LRP1B: variants seen among roughly 807,000 people sequenced by gnomAD.
The protein encoded by LRP1B is LDL receptor related protein 1B.
LRP1B carries 217 observed loss-of-function variants against 556.6 expected under a neutral mutation model. The observed-to-expected ratio is 0.39, with a 90% CI of 0.35 to 0.44. The LOEUF is 0.44. Ranked by LOEUF, LRP1B falls within the 20% of genes least tolerant of loss-of-function variation. The pLI, the probability that LRP1B is intolerant of heterozygous loss-of-function variation, is 1.00. For synonymous variants in LRP1B, 2,047 were observed against 1,865.8 expected (o/e 1.10, Z -2.50); for missense variants, 5,053 against 5,620.8 (o/e 0.90, Z 3.23).
chr2:141,509,320 T>C (rs1481806685), intron 2 of LRP1B, among the ~76,000 whole-genome samples: 2 of 152,174 alleles, frequency 1.3e-5, no homozygotes, highest in South Asian at 2.1e-4. Context: ...GCTAGAGAAC[T>C]GTCAAGGATG....
At chr2:141,230,122 T>G (rs139636639) in intron 5 of LRP1B, among the ~76,000 whole-genome samples, 1 of 152,332 alleles carries the variant, frequency 6.6e-6, no homozygotes, top group Non-Finnish European at 1.5e-5. Flanking sequence ...ATATACAAAT[T>G]TCCCAGAGTT....
At chr2:142,081,693 G>A (rs1705723248) in intron 1 of LRP1B, among the ~76,000 whole-genome samples, 2 of 152,118 alleles carry the variant, frequency 1.3e-5, no homozygotes, top group South Asian at 4.1e-4. Context: ...TGTCCAGGCT[G>A]GTCTCAAATT....
intron 43 of LRP1B, among the ~76,000 whole-genome samples, chr2:140,581,774 C>T (rs1359026168): frequency 6.6e-6 from 1 of 152,082 alleles, no homozygotes; most frequent in African/African-American, 2.4e-5. Flanking sequence ...TTCTCTCCCC[C>T]TCTTCTCTCT....
At chr2:140,965,844 G>A (rs1161672442) in intron 18 of LRP1B, among the ~76,000 whole-genome samples, 1 of 148,086 alleles carries the variant, frequency 6.8e-6, no homozygotes. Flanking sequence ...TGAGAATGAT[G>A]GTTTCTAGCT....
At position 141,013,682 on chromosome 2, in the gene LRP1B, A is replaced by G; in HGVS notation, c.2254T>C (p.Phe752Leu). 1.9e-6 allele frequency: 3 copies of G among 1,607,194 alleles called. No homozygotes were observed. Among genetic ancestry groups the G allele is most frequent in the Non-Finnish European group, 2.5e-6 (3 of 1,176,924 alleles). The change falls in exon 14 of 91, where the codon TTC becomes CTC. Residue 752 changes from phenylalanine to leucine, a missense_variant. Physicochemically the swap from Phe to Leu is conservative, Grantham distance 22. Transcript: ENST00000389484. ...GAACCATTCATATAATCAGTCCAGA[A>G]CACATAATTTCCATGATGCGACAGT... ...FGLSHHGNYV[F>L]WTDYMNGSIF... is the part of the protein sequence containing the mutation.
At chr2:140,609,045 G>A (rs1446731047) in intron 41 of LRP1B, among the ~76,000 whole-genome samples, 1 of 152,154 alleles carries the variant, frequency 6.6e-6, no homozygotes, top group African/African-American at 2.4e-5. Flanking sequence ...ATATCATTGT[G>A]TCAGTCCTTC....
At chr2:142,100,004 T>TTATA (rs1706514288) in intron 1 of LRP1B, among the ~76,000 whole-genome samples, 1 of 151,950 alleles carries the variant, frequency 6.6e-6, no homozygotes, top group South Asian at 2.1e-4. Flanking sequence ...ATTTTCATCT[T>TTATA]TATATCAAAG....
chr2:140,585,644 A>G (rs1681954435), intron 43 of LRP1B, among the ~76,000 whole-genome samples: 1 of 152,178 alleles, frequency 6.6e-6, no homozygotes, highest in African/African-American at 2.4e-5. Flanking sequence ...CCAGTCCAAC[A>G]CTGAAACAAT....
intron 3 of LRP1B, among the ~76,000 whole-genome samples, chr2:141,372,813 G>T (rs76750403): frequency 0.056 from 8,469 of 151,842 alleles, 351 homozygotes; most frequent in Admixed American, 0.14. Flanking sequence ...TCTTTTCAAA[G>T]AACCAACTTC....
At position 140,525,831 on chromosome 2, in the gene LRP1B, A is replaced by C. The variant is rs1272350937; in HGVS notation, c.8026+13T>G. On this transcript the variant is annotated intron_variant, in intron 49 of 90. Coordinates refer to ENST00000389484, the MANE Select transcript of LRP1B (RefSeq NM_018557.3). ...CAAGGCAAAGCCTGTGTTTTTCTAA[A>C]TTCTAGTATTACCTGGGCACTTTAA... 1.2e-6 allele frequency: 2 copies of C among 1,607,056 alleles called. No homozygotes were observed. Among genetic ancestry groups the C allele is most frequent in the Non-Finnish European group, 8.5e-7 (1 of 1,176,990 alleles).
intron 3 of LRP1B, among the ~76,000 whole-genome samples, chr2:141,423,507 C>A (rs1012043443): frequency 8.6e-5 from 13 of 151,936 alleles, no homozygotes; most frequent in Admixed American, 5.2e-4. Context: ...CTACCCACCC[C>A]ACAAAATATT....
intron 1 of LRP1B, among the ~76,000 whole-genome samples, chr2:142,056,525 G>A (rs547937947): frequency 1.3e-5 from 2 of 152,164 alleles, no homozygotes; most frequent in South Asian, 4.1e-4. Flanking sequence ...AGCCTCTGAG[G>A]CTGGCTGGAT....
chr2:140,999,033 T>C (rs1456513507), intron 15 of LRP1B, among the ~76,000 whole-genome samples: 1 of 152,100 alleles, frequency 6.6e-6, no homozygotes, highest in East Asian at 1.9e-4. Flanking sequence ...ATGAATTCCA[T>C]TTGTAGTTGT....
intron 7 of LRP1B, among the ~76,000 whole-genome samples, chr2:141,112,411 T>TA (rs1700778389): frequency 6.6e-6 from 1 of 152,164 alleles, no homozygotes. Flanking sequence ...TTTTGCTATT[T>TA]AAAATGGCCC....
At chr2:141,251,739 G>T (rs914881831) in intron 4 of LRP1B, among the ~76,000 whole-genome samples, 7 of 152,068 alleles carry the variant, frequency 4.6e-5, no homozygotes, top group Non-Finnish European at 1.0e-4. Flanking sequence ...TAAATAGTGA[G>T]AAGAGAAAGA....
chr2:140,465,285 C>G (rs1260183817), intron 60 of LRP1B, among the ~76,000 whole-genome samples: 1 of 152,104 alleles, frequency 6.6e-6, no homozygotes, highest in Non-Finnish European at 1.5e-5. Flanking sequence ...TCCCACCAGA[C>G]CCCAACTCTA....
At chr2:142,100,574 T>A (rs1706536751) in intron 1 of LRP1B, among the ~76,000 whole-genome samples, 1 of 152,032 alleles carries the variant, frequency 6.6e-6, no homozygotes, top group Non-Finnish European at 1.5e-5. Context: ...ACTCTGTGAT[T>A]TAGAAACTAT....
chr2:141,229,422 G>A lies in LRP1B; in HGVS notation c.611C>T (p.Pro204Leu), dbSNP rs2105294479. ...KAKIEPTDRP[P>L]ILLIANFETI... is the part of the protein sequence containing the mutation. ...TTCAAAATTTGCAATTAATAGTATA[G>A]GTGGTCTATCTGTAGGTTCTGGAAT... is the stretch of plus-strand genomic sequence containing the variant. Residue 204 changes from proline (P) to leucine (L), a missense_variant, in exon 6 of 91, where the codon CCT (proline) becomes CTT (leucine). Around this residue, in one of 5 missense-constraint regions of LRP1B, gnomAD observed 3,619 missense variants for 3,931.9 expected, o/e 0.92. Transcript: ENST00000389484. 1 of 1,581,716 alleles carries A rather than the reference G, an allele frequency of 6.3e-7. No homozygotes were observed. The highest frequency in any genetic ancestry group is 8.7e-7 in the Non-Finnish European group (1 of 1,152,868).
At chr2:141,901,655 T>TA (rs894323638) in intron 1 of LRP1B, among the ~76,000 whole-genome samples, 3 of 151,766 alleles carry the variant, frequency 2.0e-5, no homozygotes, top group African/African-American at 7.3e-5. Context: ...GCCATTTTAA[T>TA]AAAAAAACTA....
Sources: gnomAD v4.1 joint callset for allele counts (sites outside exome capture counted in the v4.1 genomes callset) on GRCh38, gnomAD v4.1.1 for gene constraint, gnomAD v4.1.1 regional missense constraint, MANE v1.5 for transcripts, NCBI Gene and HGNC (gene_info 2026-07-23, HGNC 2026-07-21) for gene names.